The following ARHGAP24 variants were observed in gnomAD, a reference collection of about 807,000 sequenced individuals.
The protein encoded by ARHGAP24 is Rho GTPase activating protein 24, also known as rho GTPase-activating protein 24.
Under a neutral mutation model 76.4 loss-of-function variants are expected in ARHGAP24, and 50 were observed. That is an observed-to-expected ratio of 0.65 (90% CI 0.52 to 0.83). ARHGAP24 has a LOEUF of 0.83. Among genes scored for constraint, ARHGAP24 ranks in the 40% least tolerant of loss-of-function variants. The pLI is 0.00. For synonymous variants in ARHGAP24, 345 were observed against 323.3 expected, an observed-to-expected ratio of 1.07 and a Z score of -0.72; for missense variants, 930 against 914.2, an observed-to-expected ratio of 1.02 and a Z score of -0.22.
At chr4:85,499,962 CTG>C (rs1723738026) in intron 1 of ARHGAP24, among the ~76,000 whole-genome samples, 1 of 152,002 alleles carries the variant, frequency 6.6e-6, no homozygotes. Flanking sequence ...ACTTTTTAAA[CTG>C]TAAATTTTAT....
intron 2 of ARHGAP24, among the ~76,000 whole-genome samples, chr4:85,607,711 C>T (rs1480023182): frequency 1.6e-5 from 2 of 127,378 alleles, no homozygotes; most frequent in Admixed American, 8.3e-5. Context: ...AAACTTGGCA[C>T]GGCGTAGCTA....
intron 5 of ARHGAP24, among the ~76,000 whole-genome samples, chr4:85,969,040 G>A (rs1335702062): frequency 2.6e-5 from 4 of 152,016 alleles, no homozygotes; most frequent in Non-Finnish European, 5.9e-5. Context: ...TTGATTCATG[G>A]CTCAAATATT....
chr4:85,717,571 A>G (rs1377542177), intron 2 of ARHGAP24, among the ~76,000 whole-genome samples: 1 of 151,976 alleles, frequency 6.6e-6, no homozygotes, highest in Non-Finnish European at 1.5e-5. Context: ...ATTCCTCCAC[A>G]TGGGTCTTTT....
intron 3 of ARHGAP24, among the ~76,000 whole-genome samples, chr4:85,911,513 G>T (rs553896674): frequency 7.2e-5 from 11 of 152,316 alleles, no homozygotes; most frequent in African/African-American, 2.6e-4. Context: ...TCAATTTCAT[G>T]TAAAAAATGG....
intron 2 of ARHGAP24, among the ~76,000 whole-genome samples, chr4:85,620,478 T>C (rs887956795): frequency 1.3e-5 from 2 of 151,870 alleles, no homozygotes; most frequent in African/African-American, 4.8e-5. Context: ...GTTTGTAGTT[T>C]TGTGGTTTCG....
rs777784707 is a variant in ARHGAP24, at chr4:85,995,063, C to G, written c.1409C>G (p.Thr470Ser). The G allele has an allele frequency of 6.2e-7, 1 of 1,613,940 alleles. No homozygotes were observed. Among genetic ancestry groups the G allele is most frequent in the Non-Finnish European group, 8.5e-7 (1 of 1,180,020 alleles). Residue 470 changes from threonine (T) to serine (S), a missense_variant, in exon 9 of 10, where the codon ACC (threonine) becomes AGC (serine). Coordinates refer to ENST00000395184, the MANE Select transcript of ARHGAP24 (RefSeq NM_001025616.3). ...RRSSSLKVSG[T>S]KMGTHSVQNG... ...AGCTCTTCACTGAAGGTATCTGGTA[C>G]CAAAATGGGCACGCACAGTGTACAG...
intron 4 of ARHGAP24, among the ~76,000 whole-genome samples, chr4:85,938,455 C>G (rs1700998216): frequency 6.6e-6 from 1 of 152,162 alleles, no homozygotes; most frequent in Non-Finnish European, 1.5e-5. Flanking sequence ...ACTGCTCCCT[C>G]AAGGAAATTT....
intron 3 of ARHGAP24, among the ~76,000 whole-genome samples, chr4:85,834,154 G>T (rs1011711457): frequency 2.6e-5 from 4 of 152,046 alleles, no homozygotes; most frequent in Non-Finnish European, 4.4e-5. Context: ...TAGATCAAGA[G>T]GTAGAAAAAG....
chr4:85,654,125 G>A (rs1296735914), intron 2 of ARHGAP24, among the ~76,000 whole-genome samples: 2 of 152,156 alleles, frequency 1.3e-5, no homozygotes, highest in Non-Finnish European at 2.9e-5. Flanking sequence ...TTAAGCAACA[G>A]AAATTTATTT....
intron 2 of ARHGAP24, among the ~76,000 whole-genome samples, chr4:85,689,979 A>G (rs1049600464): frequency 6.6e-6 from 1 of 152,182 alleles, no homozygotes; most frequent in Non-Finnish European, 1.5e-5. Context: ...TTGCCCATTC[A>G]GTACAATGTT....
chr4:85,651,273 G>C (rs751032351), intron 2 of ARHGAP24, among the ~76,000 whole-genome samples: 6 of 149,342 alleles, frequency 4.0e-5, no homozygotes, highest in Non-Finnish European at 5.9e-5. Context: ...CAAACAAGTG[G>C]CTTGATGTTG....
chr4:85,549,398 G>A (rs1392934661), intron 1 of ARHGAP24, among the ~76,000 whole-genome samples: 1 of 151,476 alleles, frequency 6.6e-6, no homozygotes, highest in Non-Finnish European at 1.5e-5. Flanking sequence ...GCAATTCTCT[G>A]ATATCTAATG....
Position 85,695,095 on chromosome 4 carries a change from A to G in ARHGAP24, c.181-26790A>G, listed in dbSNP as rs547290291. Among the ~76,000 whole-genome samples, 116 of 152,352 alleles carry G rather than the reference A, an allele frequency of 7.6e-4. 1 individual carries two copies. The highest frequency in any genetic ancestry group is 3.4e-3 in the Middle Eastern group (1 of 294). On this transcript the variant is annotated intron_variant, in intron 2 of 9. Coordinates refer to ENST00000395184, the MANE Select transcript of ARHGAP24 (RefSeq NM_001025616.3). ...TTGGGATTTTAGTAGAAGAATTCAA[A>G]TACCCAGACTTCATCTCAACTGGAA...
chr4:85,517,406 T>A (rs1724551611), intron 1 of ARHGAP24, among the ~76,000 whole-genome samples: 1 of 152,168 alleles, frequency 6.6e-6, no homozygotes, highest in Admixed American at 6.6e-5. Context: ...TTTGCTAAAT[T>A]GTTTTAAAAC....
At chr4:85,640,469 A>G (rs541710837) in intron 2 of ARHGAP24, among the ~76,000 whole-genome samples, 49 of 152,138 alleles carry the variant, frequency 3.2e-4, no homozygotes, top group Non-Finnish European at 5.9e-4. Context: ...TCATCATCTT[A>G]TTTGTTGGCC....
chr4:85,778,605 T>G (rs573281429), intron 3 of ARHGAP24: 3 of 885,038 alleles, frequency 3.4e-6, no homozygotes, highest in South Asian at 1.0e-4. Context: ...CTATTTCTTA[T>G]TTTGTTTTGT....
intron 3 of ARHGAP24, among the ~76,000 whole-genome samples, chr4:85,750,768 G>A (rs1324528507): frequency 6.6e-6 from 1 of 152,000 alleles, no homozygotes; most frequent in Non-Finnish European, 1.5e-5. Flanking sequence ...AAAGTGCGGG[G>A]ATTACAGATG....
chr4:85,666,981 C>T (rs1461128264), intron 2 of ARHGAP24, among the ~76,000 whole-genome samples: 1 of 152,200 alleles, frequency 6.6e-6, no homozygotes, highest in East Asian at 1.9e-4. Context: ...TCTGCCCGTT[C>T]TCAGATCTCC....
At position 85,530,251 on chromosome 4, in the gene ARHGAP24, G is replaced by C. The variant is rs115892050; in HGVS notation, c.-20-40271G>C. Among the ~76,000 whole-genome samples the C allele has an allele frequency of 2.6e-3, 390 of 152,064 alleles. 4 individuals carry two copies. The highest frequency in any genetic ancestry group is 8.5e-3 in the African/African-American group (352 of 41,548). Reference sequence around the variant, plus strand: ...AGAGCATTAGATATGAAACCTATGAGTTCACAAATATATACTTCACTTTCC... The same window carrying C: ...AGAGCATTAGATATGAAACCTATGACTTCACAAATATATACTTCACTTTCC... On this transcript the variant is annotated intron_variant, in intron 1 of 9. Transcript: ENST00000395184.
Sources: allele counts gnomAD v4.1 joint callset (sites outside exome capture counted in the v4.1 genomes callset), GRCh38; gene constraint gnomAD v4.1.1; transcripts MANE v1.5; gene names NCBI Gene and HGNC (gene_info 2026-07-23, HGNC 2026-07-21).